Variants in DLC1 observed in about 807,000 individuals in gnomAD.
DLC1 encodes the protein rho GTPase-activating protein 7.
Under a neutral mutation model 140.3 loss-of-function variants are expected in DLC1, and 54 were observed. That is an observed-to-expected ratio of 0.38 (90% CI 0.31 to 0.48). DLC1 has a LOEUF of 0.48. Ranked by LOEUF, DLC1 falls within the 20% of genes least tolerant of loss-of-function variation. The pLI is 0.96. For missense variants in DLC1, 2,536 were observed against 1,907.0 expected (o/e 1.33, Z -6.14); for synonymous variants, 986 against 728.1 (o/e 1.35, Z -5.70).
chr8:13,108,368 A>C (rs1024800990), intron 7 of DLC1, among the ~76,000 whole-genome samples: 2 of 152,210 alleles, frequency 1.3e-5, no homozygotes, highest in Admixed American at 6.5e-5. Flanking sequence ...ATGTTATTCT[A>C]TGCAGGAGAG....
intron 1 of DLC1, among the ~76,000 whole-genome samples, chr8:13,539,090 C>A (rs557768368): frequency 6.6e-6 from 1 of 152,048 alleles, no homozygotes; most frequent in Non-Finnish European, 1.5e-5. Flanking sequence ...ATTTCACATT[C>A]TCCTATCACA....
At chr8:13,214,952 T>G (rs1828125781) in intron 5 of DLC1, among the ~76,000 whole-genome samples, 1 of 152,210 alleles carries the variant, frequency 6.6e-6, no homozygotes, top group Non-Finnish European at 1.5e-5. Flanking sequence ...CAGTGCCCAT[T>G]TAACCACGTA....
At chr8:13,239,182 C>G (rs1394977731) in intron 5 of DLC1, among the ~76,000 whole-genome samples, 1 of 152,096 alleles carries the variant, frequency 6.6e-6, no homozygotes, top group Non-Finnish European at 1.5e-5. Context: ...ATCTAGTGCT[C>G]ACTGTGGAGA....
intron 2 of DLC1, among the ~76,000 whole-genome samples, chr8:13,415,096 G>A (rs1837989228): frequency 6.6e-6 from 1 of 152,110 alleles, no homozygotes; most frequent in Admixed American, 6.5e-5. Flanking sequence ...ATGGGCGTGA[G>A]CCACTGCGCC....
chr8:13,199,589 T>C (rs796559971), intron 5 of DLC1, among the ~76,000 whole-genome samples: 6 of 152,330 alleles, frequency 3.9e-5, no homozygotes, highest in African/African-American at 1.4e-4. Flanking sequence ...ATTTTTAATA[T>C]ACTTCAACTC....
intron 1 of DLC1, among the ~76,000 whole-genome samples, chr8:13,601,269 G>T (rs1225368589): frequency 6.6e-6 from 1 of 151,716 alleles, no homozygotes; most frequent in Non-Finnish European, 1.5e-5. Flanking sequence ...TCAGATTTCT[G>T]ACTAGCTCTT....
chr8:13,228,701 G>A (rs998194094), intron 5 of DLC1, among the ~76,000 whole-genome samples: 2 of 152,220 alleles, frequency 1.3e-5, no homozygotes, highest in African/African-American at 2.4e-5. Flanking sequence ...CTATGGTCGT[G>A]CTGCTCCACT....
At chr8:13,102,713 C>T (rs1819198182) in intron 8 of DLC1, 77 bp downstream of exon 8, 3 of 1,289,910 alleles carry the variant, frequency 2.3e-6, no homozygotes, top group Non-Finnish European at 3.4e-6. Flanking sequence ...AGAAACAAAA[C>T]CTATTACAAA....
At chr8:13,098,257 G>T in intron 10 of DLC1, 142 bp downstream of exon 10, 1 of 1,099,768 alleles carries the variant, frequency 9.1e-7, no homozygotes, top group East Asian at 2.6e-5. Context: ...AAACAAAAAT[G>T]CAGAGAGTGA....
chr8:13,345,892 TA>T (rs1834313694), intron 4 of DLC1, among the ~76,000 whole-genome samples: 1 of 152,122 alleles, frequency 6.6e-6, no homozygotes, highest in Non-Finnish European at 1.5e-5. Context: ...CAATTAAGCA[TA>T]AAAAAGGTAG....
At chr8:13,399,813 C>T (rs546935343) in intron 3 of DLC1, among the ~76,000 whole-genome samples, 6 of 152,074 alleles carry the variant, frequency 3.9e-5, no homozygotes, top group Non-Finnish European at 7.4e-5. Flanking sequence ...TGCAGAACTT[C>T]TTCTGGCGTT....
chr8:13,092,105 C>T (rs1014342438), intron 13 of DLC1, among the ~76,000 whole-genome samples: 2 of 152,016 alleles, frequency 1.3e-5, no homozygotes, highest in Admixed American at 6.6e-5. Flanking sequence ...ATTAGCTGGG[C>T]GTGGTGGCAG....
chr8:13,420,737 G>A (rs1465453218), intron 2 of DLC1, among the ~76,000 whole-genome samples: 7 of 152,000 alleles, frequency 4.6e-5, no homozygotes, highest in Non-Finnish European at 8.8e-5. Context: ...ACATGAACAC[G>A]TTCTTTTTTA....
chr8:13,503,509 C>T (rs1418308904), intron 1 of DLC1, among the ~76,000 whole-genome samples: 3 of 152,122 alleles, frequency 2.0e-5, no homozygotes, highest in Non-Finnish European at 2.9e-5. Context: ...TCTATTTTTG[C>T]ACTTGTCTCT....
At chr8:13,347,593 T>C (rs983693932) in intron 4 of DLC1, among the ~76,000 whole-genome samples, 11 of 152,170 alleles carry the variant, frequency 7.2e-5, no homozygotes, top group African/African-American at 2.7e-4. Flanking sequence ...AGGATAGTCC[T>C]AGGCACCAGA....
Position 13,100,527 on chromosome 8 carries a change from G to C in DLC1, c.1810C>G (p.Pro604Ala), listed in dbSNP as rs528860221. Residue 604 changes from proline to alanine, a missense_variant, in exon 9 of 18, where the codon CCC becomes GCC. Physicochemically the swap from Pro to Ala is conservative, Grantham distance 27. Transcript: ENST00000276297. ...VRSLSSTGSLPSHAPPSEDAA... is the reference protein window; with the variant it reads ...VRSLSSTGSLASHAPPSEDAA... Reference sequence around the variant, plus strand: ...TCCTCGCTGGGGGGCGCGTGGCTGGGGAGGCTGCCAGTGCTGCTGAGGCTG... The same window carrying C: ...TCCTCGCTGGGGGGCGCGTGGCTGGCGAGGCTGCCAGTGCTGCTGAGGCTG... 6.2e-7 allele frequency: 1 copy of C among 1,612,804 alleles called. No homozygotes were observed. The highest frequency in any genetic ancestry group is 2.2e-5 in the East Asian group (1 of 44,870).
In DLC1 at chr8:13,453,190, AT is replaced by A. The variant is rs1799147729; in HGVS notation, c.1023+45858del. On this transcript the variant is annotated intron_variant, in intron 2 of 17. Coordinates refer to ENST00000276297, the MANE Select transcript of DLC1 (RefSeq NM_182643.3). The stretch of plus-strand genomic sequence containing the variant: ...ATAATTATTCTAAAAAATTCTAAAA[AT>A]ATATATTTACAAAATTAAAGAAGAA... Among the ~76,000 whole-genome samples, 5 of 149,606 alleles carry A rather than the reference AT, an allele frequency of 3.3e-5. No homozygotes were observed. The South Asian group carries it at 1.0e-3, about 31-fold the overall frequency.
At chr8:13,221,712 A>ATGTG (rs371741645) in intron 5 of DLC1, among the ~76,000 whole-genome samples, 2 of 133,730 alleles carry the variant, frequency 1.5e-5, no homozygotes, top group Admixed American at 7.9e-5. Context: ...GTGTGTGTAT[A>ATGTG]TGTGTGTGTG....
Position 13,451,037 on chromosome 8 carries a change from C to CAAAAA in DLC1, c.1023+48007_1023+48011dup, listed in dbSNP as rs1169620786. Among the ~76,000 whole-genome samples, 70 of 18,382 alleles carry CAAAAA rather than the reference C, an allele frequency of 3.8e-3. 9 individuals are homozygous for CAAAAA. The highest frequency in any genetic ancestry group is 8.0e-3 in the East Asian group (3 of 376). 12.1% of individuals were successfully genotyped at this position (18,382 alleles called of 152,430 possible). ...CTGGTGATAGAGTGAGACTCCGTCT[C>CAAAAA]AAAAAAAAAAAAAAAAAAAAAAAAA... On this transcript the variant is annotated intron_variant, in intron 2 of 17. Transcript: ENST00000276297.
Sources: allele counts gnomAD v4.1 joint callset (sites outside exome capture counted in the v4.1 genomes callset), GRCh38; gene constraint gnomAD v4.1.1; transcripts MANE v1.5; gene names NCBI Gene and HGNC (gene_info 2026-07-23, HGNC 2026-07-21).